TMC3: variants seen among roughly 807,000 people sequenced by gnomAD.
TMC3 encodes the protein transmembrane channel like 3, also known as transmembrane channel-like protein 3.
Under a neutral mutation model 110.6 loss-of-function variants are expected in TMC3, and 98 were observed. The ratio of observed to expected loss-of-function variants is 0.89; its 90% CI spans 0.75 to 1.05. The LOEUF is 1.05. Among genes scored for constraint, TMC3 ranks in the 50% least tolerant of loss-of-function variants. The pLI is 0.00. For missense variants in TMC3, 1,319 were observed against 1,373.2 expected (o/e 0.96, Z 0.62); for synonymous variants, 489 against 513.1 (o/e 0.95, Z 0.63).
At position 81,362,196 on chromosome 15, in the gene TMC3, C is replaced by T. The variant is rs7164804; in HGVS notation, c.394+24G>A. On this transcript the variant is annotated intron_variant, in intron 4 of 21. Transcript: ENST00000359440. ...GGCCACTAGCATTGCATTCCTGCCCCACTCTCCAGGTGTAAATACTTACTC... is the reference window on the plus strand; with the variant it reads ...GGCCACTAGCATTGCATTCCTGCCCTACTCTCCAGGTGTAAATACTTACTC... The T allele has an allele frequency of 7.8e-3, 12,277 of 1,577,096 alleles. 586 individuals carry two copies. The African/African-American group carries it at 0.12, about 15-fold the overall frequency.
rs557981222 is a variant in TMC3, at chr15:81,348,759, A to G, written c.1193+699T>C. On this transcript the variant is annotated intron_variant, in intron 11 of 21. Coordinates refer to ENST00000359440, the MANE Select transcript of TMC3 (RefSeq NM_001080532.3). ...AGTTAAACCACGGAGAAAACAGAACAGTGGGGAAAACCAGACACTGCCAGA... is the reference window on the plus strand; with the variant it reads ...AGTTAAACCACGGAGAAAACAGAACGGTGGGGAAAACCAGACACTGCCAGA... Among the ~76,000 whole-genome samples, 4 of 145,874 alleles carry G rather than the reference A, an allele frequency of 2.7e-5. No homozygotes were observed. The East Asian group carries it at 7.9e-4, about 29-fold the overall frequency.
In TMC3 at chr15:81,331,672, T is replaced by C. The variant is rs1162345859; in HGVS notation, c.*747A>G. ...GCACCAGGGAACGACAGTCTCCCAA[T>C]AGATAGAAAAAACCTGAAACTGGTG... On this transcript the variant is annotated 3_prime_UTR_variant, in exon 22 of 22. Coordinates refer to ENST00000359440, the MANE Select transcript of TMC3 (RefSeq NM_001080532.3). 1 of 146,304 alleles carries C rather than the reference T, an allele frequency of 6.8e-6. No individual in the cohort carries two copies. Among genetic ancestry groups the C allele is most frequent in the Admixed American group, 6.6e-5 (1 of 15,178 alleles). The allele number at this position is 146,304 out of a possible 1,614,324, so 9.1% of individuals were successfully genotyped here. A position where few individuals can be genotyped will look rare whatever the true frequency, so the allele number is the denominator to read the frequency against.
intron 21 of TMC3, among the ~76,000 whole-genome samples, chr15:81,333,820 C>T (rs1390084800): frequency 6.6e-6 from 1 of 152,066 alleles, no homozygotes; most frequent in Non-Finnish European, 1.5e-5. Context: ...GAAACCTGGT[C>T]TCTATTGAAA....
At chr15:81,362,162 G>A in intron 4 of TMC3, 58 bp downstream of exon 4, 1 of 1,448,748 alleles carries the variant, frequency 6.9e-7, no homozygotes, top group African/African-American at 1.4e-5. Flanking sequence ...CTCTCCTTAG[G>A]CTGTGACTGG....
At chr15:81,352,793 G>A (rs757056335) in intron 9 of TMC3, among the ~76,000 whole-genome samples, 1 of 152,132 alleles carries the variant, frequency 6.6e-6, no homozygotes. Context: ...GCTAATGTGT[G>A]TGTTAGTCTT....
At chr15:81,342,162 G>A (rs1207043331) in intron 15 of TMC3, among the ~76,000 whole-genome samples, 1 of 152,196 alleles carries the variant, frequency 6.6e-6, no homozygotes, top group East Asian at 1.9e-4. Context: ...TGGTCACCCT[G>A]AAAAGAAATG....
intron 7 of TMC3, 72 bp from the exon 8 acceptor site, chr15:81,356,666 C>T: frequency 2.0e-6 from 3 of 1,496,034 alleles, no homozygotes; most frequent in Non-Finnish European, 2.7e-6. Flanking sequence ...CCCATGGAGC[C>T]TTTGTGTGAA....
chr15:81,365,344 G>A (rs1208876781), intron 3 of TMC3, among the ~76,000 whole-genome samples: 2 of 152,290 alleles, frequency 1.3e-5, no homozygotes, highest in Non-Finnish European at 2.9e-5. Context: ...GCTAGCCACA[G>A]ATGGTACAAA....
chr15:81,335,179 A>AG (rs1427419366), intron 20 of TMC3, among the ~76,000 whole-genome samples: 1 of 152,238 alleles, frequency 6.6e-6, no homozygotes, highest in Admixed American at 6.5e-5. Flanking sequence ...CTGGGAGTGT[A>AG]GGAGGAATCA....
rs1360635288 is a variant in TMC3, at chr15:81,332,473, C to T, written c.3249G>A (p.Lys1083=). The change falls in exon 22 of 22, where the codon AAG becomes AAA. Residue 1083 remains lysine (K), a synonymous_variant. Coordinates refer to ENST00000359440, the MANE Select transcript of TMC3 (RefSeq NM_001080532.3). ...GATCCACGGTCAGCTCCTGCCCCGA[C>T]TTGGCCTTCCTCCTGCTGGGCTGGC... ...SVGQPSRRKA[K]SGQELTVDLD... The T allele has an allele frequency of 5.6e-6, 9 of 1,612,682 alleles. No individual in the cohort carries two copies. In the East Asian group the frequency reaches 2.0e-4, roughly 36 times the overall value.
At chr15:81,369,547 A>G (rs1044949074) in intron 2 of TMC3, among the ~76,000 whole-genome samples, 1 of 152,094 alleles carries the variant, frequency 6.6e-6, no homozygotes, top group Non-Finnish European at 1.5e-5. Context: ...ATCCTTATTT[A>G]TTTTTTATTT....
intron 18 of TMC3, among the ~76,000 whole-genome samples, chr15:81,338,444 C>T (rs565543505): frequency 2.6e-5 from 4 of 152,280 alleles, no homozygotes; most frequent in East Asian, 1.9e-4. Context: ...CCCTCATCGC[C>T]CCTCGCTGAG....
chr15:81,336,742 G>A, intron 19 of TMC3, 91 bp from the exon 20 acceptor site: 2 of 1,317,310 alleles, frequency 1.5e-6, no homozygotes, highest in Non-Finnish European at 2.2e-6. Flanking sequence ...AGATTTACAT[G>A]CCATAGTTCT....
intron 5 of TMC3, 109 bp from the exon 6 acceptor site, chr15:81,358,609 T>C: frequency 5.0e-6 from 4 of 801,768 alleles, no homozygotes; most frequent in Non-Finnish European, 7.7e-6. Context: ...ATAAGAGATC[T>C]CCAGGGGGTG....
intron 14 of TMC3, 86 bp downstream of exon 14, chr15:81,343,831 T>A: frequency 6.9e-7 from 1 of 1,451,142 alleles, no homozygotes. Flanking sequence ...CCCCCTCAAC[T>A]ATGCTGGACT....
In TMC3 at chr15:81,338,655, A is replaced by G; in HGVS notation, c.2081T>C (p.Phe694Ser). 1 of 1,613,980 alleles carries G rather than the reference A, an allele frequency of 6.2e-7. No individual in the cohort carries two copies. Among genetic ancestry groups the G allele is most frequent in the African/African-American group, 1.3e-5 (1 of 75,066 alleles). The change falls in exon 18 of 22, where the codon TTC becomes TCC. Residue 694 changes from phenylalanine to serine, a missense_variant and splice_region_variant. By Grantham distance (155) the Phe-to-Ser change is radical (BLOSUM62 -2). Coordinates refer to ENST00000359440, the MANE Select transcript of TMC3 (RefSeq NM_001080532.3). ...VVILPAVLLL[F>S]MLIYYLQSIA... ...CAAAGCTGGCAGGTGTGGTACTCAC[A>G]AAAGCAGGAGTACTGCGGGCAGGAT...
Position 81,336,658 on chromosome 15 carries a change from T to C in TMC3, c.2161-7A>G, listed in dbSNP as rs771338206. The C allele has an allele frequency of 3.8e-5, 62 of 1,613,792 alleles. No individual in the cohort carries two copies. The highest frequency in any genetic ancestry group is 5.1e-5 in the Non-Finnish European group (60 of 1,179,852). ...TCTTATCCTCTGATCTTGCCTAAAA[T>C]GCAAATGATATGCATGTTTGTTTTG... On this transcript the variant is annotated splice_region_variant and splice_polypyrimidine_tract_variant and intron_variant, in intron 19 of 21. Transcript: ENST00000359440.
chr15:81,353,003 TAG>T (rs949132313), intron 9 of TMC3, among the ~76,000 whole-genome samples: 1 of 152,124 alleles, frequency 6.6e-6, no homozygotes, highest in African/African-American at 2.4e-5. Flanking sequence ...GTATTTTTAG[TAG>T]AGACTGGGTT....
chr15:81,364,664 C>A, intron 3 of TMC3, among the ~76,000 whole-genome samples: 1 of 126,130 alleles, frequency 7.9e-6, no homozygotes. Flanking sequence ...CACATGTACC[C>A]TAAAACTTAA....
Sources: gnomAD v4.1 joint callset for allele counts (sites outside exome capture counted in the v4.1 genomes callset) on GRCh38, gnomAD v4.1.1 for gene constraint, MANE v1.5 for transcripts, NCBI Gene and HGNC (gene_info 2026-07-23, HGNC 2026-07-21) for gene names.